The following THEM4 variants were observed in gnomAD, a reference collection of about 807,000 sequenced individuals.
THEM4 encodes the protein thioesterase superfamily member 4, also known as acyl-coenzyme A thioesterase THEM4.
A neutral mutation model predicts 25.0 loss-of-function variants in THEM4; 22 were observed. That is an observed-to-expected ratio of 0.88 (90% CI 0.63 to 1.26). The LOEUF (loss-of-function observed/expected upper bound fraction) is 1.26. Among genes scored for constraint, THEM4 ranks in the 50% most tolerant of loss-of-function variants. The probability of loss-of-function intolerance (pLI) is 0.00; values close to 1 mark genes in which losing one functional copy is unlikely to be tolerated. For missense variants in THEM4, 286 were observed against 300.3 expected (o/e 0.95, Z 0.35); for synonymous variants, 113 against 105.6 (o/e 1.07, Z -0.43).
At position 151,909,474 on chromosome 1, in the gene THEM4, G is replaced by A. The variant is rs1654555583; in HGVS notation, c.-16C>T. The A allele has an allele frequency of 6.5e-6, 9 of 1,375,442 alleles. No individual in the cohort carries two copies. The highest frequency in any genetic ancestry group is 8.4e-6 in the Non-Finnish European group (9 of 1,072,992). 85.2% of individuals were successfully genotyped at this position (1,375,442 alleles called of 1,614,324 possible). On this transcript the variant is annotated 5_prime_UTR_variant, in exon 1 of 6. Coordinates refer to ENST00000368814, the MANE Select transcript of THEM4 (RefSeq NM_053055.5). ...TCCTCAGCATGGCTCCGGGCCGCGG[G>A]GCCGCGCTTGCTCTAGCCCTGGACG...
chr1:151,892,468 G>T (rs1654116048), intron 2 of THEM4, among the ~76,000 whole-genome samples: 1 of 152,168 alleles, frequency 6.6e-6, no homozygotes, highest in Non-Finnish European at 1.5e-5. Context: ...ACAGTCAGTT[G>T]TGTGATGTGC....
At chr1:151,878,254 A>G (rs1195635587) in intron 4 of THEM4, among the ~76,000 whole-genome samples, 1 of 152,108 alleles carries the variant, frequency 6.6e-6, no homozygotes, top group Non-Finnish European at 1.5e-5. Flanking sequence ...TTCTTAGCCC[A>G]TGTAGGTTGA....
At chr1:151,902,140 T>C (rs1654367076) in intron 1 of THEM4, among the ~76,000 whole-genome samples, 1 of 152,228 alleles carries the variant, frequency 6.6e-6, no homozygotes, top group Non-Finnish European at 1.5e-5. Flanking sequence ...TAGATGTTGC[T>C]GTGGATGCAG....
At chr1:151,901,825 A>G (rs1654358217) in intron 1 of THEM4, among the ~76,000 whole-genome samples, 1 of 152,208 alleles carries the variant, frequency 6.6e-6, no homozygotes, top group Non-Finnish European at 1.5e-5. Flanking sequence ...CCTGGGCAAC[A>G]AGAGCGAAAC....
intron 1 of THEM4, among the ~76,000 whole-genome samples, chr1:151,899,420 G>A (rs1016924625): frequency 3.9e-5 from 6 of 151,908 alleles, no homozygotes; most frequent in African/African-American, 1.4e-4. Context: ...GAAGCTGGGA[G>A]GTGGAGGTTG....
chr1:151,905,836 T>A (rs1207912989), intron 1 of THEM4, among the ~76,000 whole-genome samples: 1 of 152,220 alleles, frequency 6.6e-6, no homozygotes, highest in African/African-American at 2.4e-5. Flanking sequence ...CATGCCTGAG[T>A]AGGCCTAGGC....
chr1:151,903,891 C>T (rs1873312), intron 1 of THEM4, among the ~76,000 whole-genome samples: 1 of 152,198 alleles, frequency 6.6e-6, no homozygotes, highest in Non-Finnish European at 1.5e-5. Context: ...TCTGGGATTC[C>T]GTTAAATCCA....
At chr1:151,894,762 C>A (rs1654180655) in intron 2 of THEM4, 1 of 600,566 alleles carries the variant, frequency 1.7e-6, no homozygotes, top group East Asian at 2.8e-5. Flanking sequence ...CTCTGGGGCC[C>A]TTTCTTCACT....
chr1:151,893,782 C>T (rs990946809), intron 2 of THEM4, among the ~76,000 whole-genome samples: 1 of 151,800 alleles, frequency 6.6e-6, no homozygotes, highest in Non-Finnish European at 1.5e-5. Flanking sequence ...AATACTCATC[C>T]AGTAAGGGAG....
rs1654013186 is a variant in THEM4 at position 151,888,278 on chromosome 1, A to G, written c.552T>C (p.Tyr184=). Residue 184 remains tyrosine, a synonymous_variant, in exon 4 of 6, where the codon TAT becomes TAC. Transcript: ENST00000368814. ...IVMTANLNIN[Y]KRPIPLCSVV... ...GAGAATTACTGTGAATTTACCTTTT[A>G]TAATTGATGTTGAGATTGGCAGTCA... 1 of 1,611,372 alleles carries G rather than the reference A, an allele frequency of 6.2e-7. No individual in the cohort carries two copies. The highest frequency in any genetic ancestry group is 1.7e-5 in the Admixed American group (1 of 59,804).
At chr1:151,875,989 T>C (rs1653663226) in intron 5 of THEM4, among the ~76,000 whole-genome samples, 1 of 152,180 alleles carries the variant, frequency 6.6e-6, no homozygotes, top group South Asian at 2.1e-4. Flanking sequence ...CCATTTGTAA[T>C]AGTCAGAGGC....
intron 1 of THEM4, among the ~76,000 whole-genome samples, chr1:151,903,843 C>T (rs1654403434): frequency 6.6e-6 from 1 of 152,212 alleles, no homozygotes; most frequent in Admixed American, 6.5e-5. Flanking sequence ...TAGAATGACT[C>T]CCTTAACTGT....
In THEM4 at chr1:151,909,378, G is replaced by A. The variant is rs1370194791; in HGVS notation, c.81C>T (p.Ser27=). The change falls in exon 1 of 6, where the codon AGC becomes AGT. Residue 27 remains serine, a synonymous_variant. Coordinates refer to ENST00000368814, the MANE Select transcript of THEM4 (RefSeq NM_053055.5). The stretch of plus-strand genomic sequence containing the variant: ...GACTCACCAGCTCGGGTCGCGGCTC[G>A]CTTCCCGGCAGGCGCCGGCCTACTG... The part of the protein sequence containing the change: ...LPPVGRRLPG[S]EPRPELRSFS... 9.3e-6 allele frequency: 14 copies of A among 1,506,936 alleles called. No homozygotes were observed. In the East Asian group the frequency reaches 3.8e-4, roughly 41 times the overall value. 93.3% of individuals were successfully genotyped at this position (1,506,936 alleles called of 1,614,324 possible). A position where few individuals can be genotyped will look rare whatever the true frequency, so the allele number is the denominator to read the frequency against.
At chr1:151,901,865 A>C (rs1654360035) in intron 1 of THEM4, among the ~76,000 whole-genome samples, 1 of 152,178 alleles carries the variant, frequency 6.6e-6, no homozygotes, top group South Asian at 2.1e-4. Context: ...AACAAAAAAA[A>C]AAAACAAAAA....
chr1:151,900,778 CAAATCTGGCCATAA>C (rs927875158), intron 1 of THEM4, among the ~76,000 whole-genome samples: 6 of 152,182 alleles, frequency 3.9e-5, no homozygotes, highest in Non-Finnish European at 8.8e-5. Context: ...GATAGGCCCC[CAAATCTGGCCATAA>C]ACTGGCCCCA....
At chr1:151,875,632 A>G (rs553560149) in intron 5 of THEM4, among the ~76,000 whole-genome samples, 41 of 152,348 alleles carry the variant, frequency 2.7e-4, no homozygotes, top group Admixed American at 2.2e-3. Flanking sequence ...ATTTCACAGA[A>G]TGGGAAAAAA....
chr1:151,890,204 C>G (rs1296158029), intron 2 of THEM4: 2 of 457,608 alleles, frequency 4.4e-6, no homozygotes, highest in Non-Finnish European at 8.8e-6. Context: ...AGCGCCCGGC[C>G]ATTAACCAGG....
chr1:151,901,208 G>A (rs1654344626), intron 1 of THEM4, among the ~76,000 whole-genome samples: 1 of 152,198 alleles, frequency 6.6e-6, no homozygotes, highest in African/African-American at 2.4e-5. Flanking sequence ...ATTTCTGTGT[G>A]TCTTTAATTT....
intron 1 of THEM4, among the ~76,000 whole-genome samples, chr1:151,897,362 A>AGTTT: frequency 6.6e-6 from 1 of 152,346 alleles, no homozygotes; most frequent in African/African-American, 2.4e-5. Context: ...GGTGGGAAGA[A>AGTTT]TACAGAGAAC....
Sources: allele counts gnomAD v4.1 joint callset (sites outside exome capture counted in the v4.1 genomes callset), GRCh38; gene constraint gnomAD v4.1.1; transcripts MANE v1.5; gene names NCBI Gene and HGNC (gene_info 2026-07-23, HGNC 2026-07-21).